NRP1: variants seen among roughly 807,000 people sequenced by gnomAD.
NRP1 encodes the protein neuropilin 1.
A neutral mutation model predicts 106.7 loss-of-function variants in NRP1; 35 were observed. The ratio of observed to expected loss-of-function variants is 0.33; its 90% CI spans 0.25 to 0.43. NRP1 has a LOEUF of 0.43. NRP1 is among the 20% of genes least tolerant of loss of function. The probability of loss-of-function intolerance (pLI) is 1.00; values close to 1 mark genes in which losing one functional copy is unlikely to be tolerated. For missense variants in NRP1, 1,024 were observed against 1,170.4 expected (o/e 0.87, Z 1.83); for synonymous variants, 437 against 417.9 (o/e 1.05, Z -0.56).
chr10:33,303,506 C>T (rs901096210), intron 2 of NRP1, among the ~76,000 whole-genome samples: 2 of 152,142 alleles, frequency 1.3e-5, no homozygotes, highest in Non-Finnish European at 2.9e-5. Context: ...GTACGAGCAT[C>T]GGTAAACAGT....
chr10:33,250,227 A>T (rs1032251531), intron 6 of NRP1, among the ~76,000 whole-genome samples: 1 of 152,216 alleles, frequency 6.6e-6, no homozygotes, highest in Admixed American at 6.5e-5. Context: ...AATTTACAAA[A>T]CATCTATCTA....
At chr10:33,282,587 A>T (rs1332587517) in intron 2 of NRP1, among the ~76,000 whole-genome samples, 2 of 152,032 alleles carry the variant, frequency 1.3e-5, no homozygotes, top group Admixed American at 6.6e-5. Context: ...ACTAAGGGAG[A>T]TTATTTATTC....
rs115350539 is a variant in NRP1 at position 33,321,630 on chromosome 10, C to T, written c.248+9078G>A. ...CTATGTAAGATTATGATTTTGACCC[C>T]GTCTTAATTCTTTCCATGCCACTTC... On this transcript the variant is annotated intron_variant, in intron 2 of 16. Transcript: ENST00000374867. Among the ~76,000 whole-genome samples, 1,146 of 152,212 alleles carry T rather than the reference C, an allele frequency of 7.5e-3. 16 individuals are homozygous for T. Among genetic ancestry groups the T allele is most frequent in the African/African-American group, 0.027 (1,109 of 41,520 alleles).
At chr10:33,198,741 A>G (rs1332207329) in intron 11 of NRP1, among the ~76,000 whole-genome samples, 1 of 147,750 alleles carries the variant, frequency 6.8e-6, no homozygotes, top group Non-Finnish European at 1.5e-5. Context: ...TAGAAAACTG[A>G]GGGTTTAAAG....
chr10:33,309,469 A>G (rs1474613465), intron 2 of NRP1, among the ~76,000 whole-genome samples: 1 of 152,196 alleles, frequency 6.6e-6, no homozygotes, highest in Non-Finnish European at 1.5e-5. Context: ...TCAATGCTGA[A>G]TGTCTGTGTT....
rs1838039739 is a variant in NRP1, at chr10:33,208,873, G to A, written c.1615-1157C>T. Among the ~76,000 whole-genome samples the A allele has an allele frequency of 2.1e-5, 3 of 143,134 alleles. No homozygotes were observed. The South Asian group carries it at 6.9e-4, about 33-fold the overall frequency. The allele number at this position is 143,134 out of a possible 152,430, so 93.9% of individuals were successfully genotyped here. On this transcript the variant is annotated intron_variant, in intron 9 of 16. Coordinates refer to ENST00000374867, the MANE Select transcript of NRP1 (RefSeq NM_003873.7). The stretch of plus-strand genomic sequence containing the variant: ...AATCTCTAAGGTGAAAAAGAAAACT[G>A]ATAAAATGGTCCATTTTAGAGCAGC...
intron 2 of NRP1, among the ~76,000 whole-genome samples, chr10:33,324,724 G>A (rs1318750232): frequency 2.6e-5 from 4 of 152,076 alleles, no homozygotes; most frequent in South Asian, 2.1e-4. Flanking sequence ...TGCAACCTCC[G>A]CTTCCCAGGT....
chr10:33,314,270 A>G (rs1404320033), intron 2 of NRP1, among the ~76,000 whole-genome samples: 1 of 152,104 alleles, frequency 6.6e-6, no homozygotes, highest in Non-Finnish European at 1.5e-5. Context: ...AAAAGTTTTT[A>G]TAGAGACGGT....
chr10:33,332,351 G>A (rs1848342971), intron 1 of NRP1, among the ~76,000 whole-genome samples: 1 of 152,210 alleles, frequency 6.6e-6, no homozygotes, highest in Non-Finnish European at 1.5e-5. Context: ...ATTCTGCTGA[G>A]ACTCTTGCAT....
chr10:33,304,471 G>T (rs976899524), intron 2 of NRP1, among the ~76,000 whole-genome samples: 2 of 152,106 alleles, frequency 1.3e-5, no homozygotes, highest in African/African-American at 4.8e-5. Flanking sequence ...TTTCAAAAAG[G>T]AAAGCCTATT....
intron 2 of NRP1, among the ~76,000 whole-genome samples, chr10:33,283,937 C>T (rs1844326582): frequency 6.6e-6 from 1 of 152,206 alleles, no homozygotes; most frequent in Non-Finnish European, 1.5e-5. Flanking sequence ...ATACAACCCC[C>T]ATCCTACCAT....
chr10:33,257,130 A>C (rs1842252003), intron 4 of NRP1, among the ~76,000 whole-genome samples: 1 of 152,250 alleles, frequency 6.6e-6, no homozygotes, highest in Non-Finnish European at 1.5e-5. Flanking sequence ...ATATACCAAT[A>C]ATTTATACAT....
chr10:33,206,827 T>C (rs1837824449), intron 10 of NRP1, among the ~76,000 whole-genome samples: 1 of 152,220 alleles, frequency 6.6e-6, no homozygotes, highest in Admixed American at 6.5e-5. Context: ...TTCATTTCAT[T>C]CATCATATGT....
At chr10:33,287,698 C>A (rs1403991637) in intron 2 of NRP1, among the ~76,000 whole-genome samples, 1 of 152,174 alleles carries the variant, frequency 6.6e-6, no homozygotes, top group East Asian at 1.9e-4. Flanking sequence ...GAATTAACTC[C>A]TGCATTCTTC....
intron 6 of NRP1, among the ~76,000 whole-genome samples, chr10:33,246,837 A>G (rs1430891403): frequency 6.6e-6 from 1 of 152,220 alleles, no homozygotes; most frequent in African/African-American, 2.4e-5. Flanking sequence ...ATAGGCACAG[A>G]GTGTTTACAA....
intron 2 of NRP1, among the ~76,000 whole-genome samples, chr10:33,308,029 G>A (rs567257387): frequency 3.3e-5 from 5 of 152,164 alleles, no homozygotes; most frequent in South Asian, 4.2e-4. Context: ...GGAATACTAC[G>A]CAGCCATAAA....
intron 4 of NRP1, among the ~76,000 whole-genome samples, chr10:33,259,405 ATGCAATAT>A (rs1842426042): frequency 6.6e-6 from 1 of 152,180 alleles, no homozygotes; most frequent in Non-Finnish European, 1.5e-5. Flanking sequence ...TAGCAAGCTA[ATGCAATAT>A]TGATCTGAGC....
intron 7 of NRP1, among the ~76,000 whole-genome samples, 160 bp downstream of exon 7, chr10:33,225,974 A>G (rs1349710238): frequency 6.6e-6 from 1 of 152,200 alleles, no homozygotes; most frequent in Non-Finnish European, 1.5e-5. Context: ...ATCTGGGAAC[A>G]TGAGACCCCT....
chr10:33,274,249 T>A (rs1311493174), intron 2 of NRP1, among the ~76,000 whole-genome samples: 1 of 152,170 alleles, frequency 6.6e-6, no homozygotes, highest in African/African-American at 2.4e-5. Flanking sequence ...TCCACGCTCC[T>A]CAAGCTAAAA....
Sources: allele counts gnomAD v4.1 joint callset (sites outside exome capture counted in the v4.1 genomes callset), GRCh38; gene constraint gnomAD v4.1.1; transcripts MANE v1.5; gene names NCBI Gene and HGNC (gene_info 2026-07-23, HGNC 2026-07-21).